The following NAXD variants were observed in gnomAD, a reference collection of about 807,000 sequenced individuals.
The protein encoded by NAXD is NAD(P)HX dehydratase, also known as ATP-dependent (S)-NAD(P)H-hydrate dehydratase.
NAXD carries 22 observed loss-of-function variants against 35.8 expected under a neutral mutation model. The observed-to-expected ratio is 0.62, with a 90% confidence interval of 0.44 to 0.88. NAXD has a LOEUF of 0.88. Ranked by LOEUF, NAXD falls within the 40% of genes least tolerant of loss-of-function variation. NAXD has a pLI of 0.00. For synonymous variants in NAXD, 189 were observed against 177.6 expected (o/e 1.06, Z -0.51); for missense variants, 428 against 437.7 (o/e 0.98, Z 0.20).
rs755762806 is a variant in NAXD, at chr13:110,628,855, C to T, written c.441+1308C>T. On this transcript the variant is annotated intron_variant, in intron 5 of 9. Transcript: ENST00000680254. The surrounding 1 kb of genome is among the most constrained non-coding windows in gnomAD (Gnocchi z 4.1). ...GGGGTGCGGATGAATTAGAGGTGAACGAGCCAGAGTGCTCTGCTTCAGGTT... is the reference window on the plus strand; with the variant it reads ...GGGGTGCGGATGAATTAGAGGTGAATGAGCCAGAGTGCTCTGCTTCAGGTT... Among the ~76,000 whole-genome samples the T allele has an allele frequency of 1.1e-4, 16 of 152,266 alleles. No homozygotes were observed. Among genetic ancestry groups the T allele is most frequent in the Middle Eastern group, 3.4e-3 (1 of 294 alleles).
rs369081588 is a variant in NAXD at position 110,638,399 on chromosome 13, C to A, written c.861C>A (p.Ala287=). The change falls in exon 10 of 10, where the codon GCC becomes GCA. Residue 287 remains alanine (A), a synonymous_variant. Coordinates refer to ENST00000680254, the MANE Select transcript of NAXD (RefSeq NM_001242882.2). This position sits in a 1 kb window ranked among gnomAD's most constrained non-coding sequence, Gnocchi z 5.4. ...KTNGSSPLLV[A]AFGACSLTRQ... ...GCAGGTCCAGCCCTCTCCTGGTGGCCGCGTTTGGCGCCTGCTCTCTCACCA... is the reference window on the plus strand; with the variant it reads ...GCAGGTCCAGCCCTCTCCTGGTGGCAGCGTTTGGCGCCTGCTCTCTCACCA... The A allele has an allele frequency of 6.2e-7, 1 of 1,613,738 alleles. No individual in the cohort carries two copies. Among genetic ancestry groups the A allele is most frequent in the Non-Finnish European group, 8.5e-7 (1 of 1,180,024 alleles).
intron 1 of NAXD, among the ~76,000 whole-genome samples, chr13:110,620,624 A>C (rs1242089481): frequency 6.6e-6 from 1 of 151,628 alleles, no homozygotes; most frequent in East Asian, 1.9e-4. Flanking sequence ...GATTCATAGG[A>C]TCTTTTTATC....
chr13:110,622,253 G>C lies in NAXD; in HGVS notation c.84G>C (p.Ser28=). The C allele has an allele frequency of 2.5e-6, 4 of 1,613,866 alleles. No individual in the cohort carries two copies. Among genetic ancestry groups the C allele is most frequent in the Non-Finnish European group, 3.4e-6 (4 of 1,179,900 alleles). ...ERAFSLRKAH[S]IKDMENTLQL... is the part of the protein sequence containing the mutation. ...CGTTTTCGCTACGTAAAGCACATTC[G>C]ATAAAGGATATGGAAAATACTTTGC... The change falls in exon 2 of 10, where the codon TCG becomes TCC. Residue 28 remains serine, a synonymous_variant. Coordinates refer to ENST00000680254, the MANE Select transcript of NAXD (RefSeq NM_001242882.2).
chr13:110,624,528 G>A (rs992699687), intron 3 of NAXD, among the ~76,000 whole-genome samples: 3 of 152,088 alleles, frequency 2.0e-5, no homozygotes, highest in Non-Finnish European at 2.9e-5. Context: ...GCGGGATCTC[G>A]GCTCACAGCA....
At chr13:110,635,722 C>A in intron 8 of NAXD, 134 bp downstream of exon 8, 1 of 1,027,644 alleles carries the variant, frequency 9.7e-7, no homozygotes, top group Non-Finnish European at 1.4e-6. Flanking sequence ...TCCTGATGAG[C>A]TCGTCAACCA....
intron 5 of NAXD, among the ~76,000 whole-genome samples, chr13:110,631,781 G>A (rs1886703200): frequency 6.6e-6 from 1 of 152,168 alleles, no homozygotes; most frequent in East Asian, 1.9e-4. Context: ...CTTCCATGAA[G>A]TCTCAGGTAC....
intron 5 of NAXD, among the ~76,000 whole-genome samples, chr13:110,630,115 C>T (rs1474316732): frequency 2.6e-5 from 4 of 152,122 alleles, no homozygotes; most frequent in Admixed American, 2.6e-4. Flanking sequence ...CTGCAATCTC[C>T]ACCTCCTGGG....
intron 7 of NAXD, 80 bp downstream of exon 7, chr13:110,634,856 G>A (rs944921498): frequency 3.0e-5 from 32 of 1,066,072 alleles, no homozygotes; most frequent in Non-Finnish European, 4.4e-5. Flanking sequence ...CCATGCTTCT[G>A]CCCAGCCTGT....
chr13:110,630,493 T>C (rs936635297), intron 5 of NAXD, among the ~76,000 whole-genome samples: 10 of 152,234 alleles, frequency 6.6e-5, no homozygotes, highest in African/African-American at 2.4e-4. Flanking sequence ...TTCTGTAGGT[T>C]GTCTTTTCAC....
chr13:110,638,564 C>CG lies in NAXD; in HGVS notation c.*41dup. Reference sequence around the variant, plus strand: ...ACCAGAAGTAAACAGGCACCTTGGACGGGGGAGAGCGTGTGTGTGATGGGA... The same window carrying CG: ...ACCAGAAGTAAACAGGCACCTTGGACGGGGGGAGAGCGTGTGTGTGATGGGA... On this transcript the variant is annotated 3_prime_UTR_variant, in exon 10 of 10. Transcript: ENST00000680254. This position sits in a 1 kb window ranked among gnomAD's most constrained non-coding sequence, Gnocchi z 5.4. 6.2e-7 allele frequency: 1 copy of CG among 1,608,562 alleles called. No individual in the cohort carries two copies. Among genetic ancestry groups the CG allele is most frequent in the Non-Finnish European group, 8.5e-7 (1 of 1,177,432 alleles).
At position 110,638,207 on chromosome 13, in the gene NAXD, T is replaced by C; in HGVS notation, c.840-171T>C. On this transcript the variant is annotated intron_variant, in intron 9 of 9. Coordinates refer to ENST00000680254, the MANE Select transcript of NAXD (RefSeq NM_001242882.2). The surrounding 1 kb of genome is among the most constrained non-coding windows in gnomAD (Gnocchi z 5.4). Reference sequence around the variant, plus strand: ...CCAGGGAGTAGTGGAGGGTTAATGGTGGTTTTCGCTGTGATAAACCTGCTT... The same window carrying C: ...CCAGGGAGTAGTGGAGGGTTAATGGCGGTTTTCGCTGTGATAAACCTGCTT... The C allele has an allele frequency of 6.5e-7, 1 of 1,528,462 alleles. No individual in the cohort carries two copies. Among genetic ancestry groups the C allele is most frequent in the Non-Finnish European group, 8.8e-7 (1 of 1,137,760 alleles). 94.7% of individuals were successfully genotyped at this position (1,528,462 alleles called of 1,614,324 possible).
At chr13:110,637,794 C>T (rs1312803056) in intron 9 of NAXD, 8 of 463,458 alleles carry the variant, frequency 1.7e-5, no homozygotes, top group East Asian at 6.8e-5. Context: ...GTGGCAGACC[C>T]GGGCTTCTGG....
At chr13:110,615,947 C>T in intron 1 of NAXD, 1 of 469,764 alleles carries the variant, frequency 2.1e-6, no homozygotes. Flanking sequence ...TGGGAGCCTC[C>T]GTGCGGGGTG....
chr13:110,620,740 A>G (rs1886235275), intron 1 of NAXD, among the ~76,000 whole-genome samples: 1 of 152,244 alleles, frequency 6.6e-6, no homozygotes, highest in Middle Eastern at 3.2e-3. Context: ...TGTAAGAGTT[A>G]AAAGACAAAG....
chr13:110,624,795 G>A (rs1886399647), intron 3 of NAXD, among the ~76,000 whole-genome samples: 1 of 152,204 alleles, frequency 6.6e-6, no homozygotes, highest in South Asian at 2.1e-4. Flanking sequence ...CCTAAAGCGT[G>A]ATTTGTATTG....
Position 110,639,103 on chromosome 13 carries a change from C to T in NAXD, c.*575C>T. 4.7e-6 allele frequency: 1 copy of T among 211,740 alleles called. No individual in the cohort carries two copies. Among genetic ancestry groups the T allele is most frequent in the South Asian group, 7.2e-5 (1 of 13,922 alleles). The allele number at this position is 211,740 out of a possible 1,614,324, so 13.1% of individuals were successfully genotyped here. A position where few individuals can be genotyped will look rare whatever the true frequency, so the allele number is the denominator to read the frequency against. On this transcript the variant is annotated 3_prime_UTR_variant, in exon 10 of 10. Transcript: ENST00000680254. Reference sequence around the variant, plus strand: ...CTGGTGTTTGGCTTATTGACATACTCCAGGGTAATCAATGATGACTTTGTT... The same window carrying T: ...CTGGTGTTTGGCTTATTGACATACTTCAGGGTAATCAATGATGACTTTGTT...
intron 3 of NAXD, among the ~76,000 whole-genome samples, chr13:110,624,698 G>A (rs7981194): frequency 0.11 from 16,740 of 152,286 alleles, 1,323 homozygotes; most frequent in Admixed American, 0.25. Context: ...CTGACCTCAC[G>A]TGATCCATGC....
chr13:110,625,064 T>C, intron 3 of NAXD, 126 bp from the exon 4 acceptor site: 1 of 674,912 alleles, frequency 1.5e-6, no homozygotes, highest in African/African-American at 1.8e-5. Context: ...CTGGGTGTAA[T>C]CCGAGCTAGT....
At chr13:110,633,435 A>C (rs1051665478) in intron 5 of NAXD, among the ~76,000 whole-genome samples, 4 of 152,176 alleles carry the variant, frequency 2.6e-5, no homozygotes, top group South Asian at 4.1e-4. Context: ...CTGCAAGCTG[A>C]GGGAGTGGGC....
Sources: allele counts gnomAD v4.1 joint callset (sites outside exome capture counted in the v4.1 genomes callset), GRCh38; gene constraint gnomAD v4.1.1; non-coding constraint Gnocchi (gnomAD v3.1); transcripts MANE v1.5; gene names NCBI Gene and HGNC (gene_info 2026-07-23, HGNC 2026-07-21).